TACR1: variants seen among roughly 807,000 people sequenced by gnomAD.
TACR1 encodes tachykinin receptor 1.
TACR1 carries 25 observed loss-of-function variants against 35.8 expected under a neutral mutation model. That is an observed-to-expected ratio of 0.70 (90% CI 0.51 to 0.98). The LOEUF (loss-of-function observed/expected upper bound fraction) is 0.98. TACR1 is among the 50% of genes least tolerant of loss of function. TACR1 has a pLI of 0.00. For synonymous variants in TACR1, 195 were observed against 206.7 expected (o/e 0.94, Z 0.48); for missense variants, 478 against 522.9 (o/e 0.91, Z 0.84).
chr2:75,177,679 C>G (rs540371927), intron 1 of TACR1, among the ~76,000 whole-genome samples: 1 of 152,208 alleles, frequency 6.6e-6, no homozygotes, highest in Non-Finnish European at 1.5e-5. Context: ...CCTACAGTCA[C>G]TCCTCACATA....
chr2:75,143,288 CA>C (rs770594476), intron 1 of TACR1, among the ~76,000 whole-genome samples: 2 of 152,182 alleles, frequency 1.3e-5, no homozygotes, highest in East Asian at 1.9e-4. Context: ...ATTTTCATTT[CA>C]AAACATTTTT....
intron 1 of TACR1, among the ~76,000 whole-genome samples, chr2:75,134,364 C>T (rs951364584): frequency 6.6e-6 from 1 of 152,104 alleles, no homozygotes; most frequent in Non-Finnish European, 1.5e-5. Context: ...CTTATTTAAC[C>T]CCCTTTCTAT....
chr2:75,120,280 G>A (rs933151545), intron 2 of TACR1, among the ~76,000 whole-genome samples: 2 of 152,092 alleles, frequency 1.3e-5, no homozygotes, highest in Non-Finnish European at 2.9e-5. Flanking sequence ...GGCAGATCCC[G>A]GCAGGGTAAT....
Position 75,129,964 on chromosome 2 carries a change from C to T in TACR1, c.390-9196G>A, listed in dbSNP as rs145737347. Among the ~76,000 whole-genome samples, 9 of 152,272 alleles carry T rather than the reference C, an allele frequency of 5.9e-5. No homozygotes were observed. The East Asian group carries it at 1.2e-3, about 20-fold the overall frequency. The stretch of plus-strand genomic sequence containing the variant: ...TCTTCTCCCACAGATCTCTTTTATT[C>T]GAACTAAAAAGCCAGAATCTGTGGG... On this transcript the variant is annotated intron_variant, in intron 1 of 4. Transcript: ENST00000305249.
intron 2 of TACR1, among the ~76,000 whole-genome samples, chr2:75,088,964 G>C (rs1196888938): frequency 1.3e-5 from 2 of 152,044 alleles, no homozygotes; most frequent in African/African-American, 4.8e-5. Context: ...GAGTTTGACA[G>C]TTTCCCACAG....
At chr2:75,192,645 AC>A (rs1363999844) in intron 1 of TACR1, among the ~76,000 whole-genome samples, 1 of 152,180 alleles carries the variant, frequency 6.6e-6, no homozygotes, top group Non-Finnish European at 1.5e-5. Flanking sequence ...TCCAAAAGCC[AC>A]CAAGTGCAGG....
At chr2:75,184,850 TA>T (rs1320405020) in intron 1 of TACR1, among the ~76,000 whole-genome samples, 1 of 151,778 alleles carries the variant, frequency 6.6e-6, no homozygotes, top group Non-Finnish European at 1.5e-5. Context: ...GAAATCATAT[TA>T]AAAGCTCGAC....
At chr2:75,125,375 G>A (rs1224769617) in intron 1 of TACR1, among the ~76,000 whole-genome samples, 2 of 151,886 alleles carry the variant, frequency 1.3e-5, no homozygotes, top group South Asian at 2.1e-4. Flanking sequence ...TAGTAGAGAA[G>A]GGGTTTCACC....
chr2:75,120,489 T>C (rs1673945418), intron 2 of TACR1, 85 bp downstream of exon 2: 2 of 1,281,726 alleles, frequency 1.6e-6, no homozygotes, highest in African/African-American at 1.5e-5. Context: ...AACAAAAGAA[T>C]ATGGAAAGAA....
intron 1 of TACR1, among the ~76,000 whole-genome samples, chr2:75,181,813 C>T (rs1469309861): frequency 6.6e-6 from 1 of 152,206 alleles, no homozygotes. Flanking sequence ...CATGCTTCCT[C>T]CTGCCCAGGG....
At chr2:75,198,386 A>G (rs148701312) in intron 1 of TACR1, among the ~76,000 whole-genome samples, 160 bp downstream of exon 1, 63 of 152,308 alleles carry the variant, frequency 4.1e-4, no homozygotes, top group African/African-American at 1.4e-3. Context: ...AATACATAAG[A>G]TGAAGTTCCC....
intron 1 of TACR1, among the ~76,000 whole-genome samples, chr2:75,143,834 A>G (rs2103952576): frequency 1.3e-5 from 2 of 152,330 alleles, no homozygotes; most frequent in Middle Eastern, 3.4e-3. Flanking sequence ...ATGTGGTGCT[A>G]GTGGCCTGGA....
intron 1 of TACR1, among the ~76,000 whole-genome samples, chr2:75,180,066 C>G (rs1486834699): frequency 6.6e-6 from 1 of 152,150 alleles, no homozygotes; most frequent in Non-Finnish European, 1.5e-5. Flanking sequence ...GTCCCTTCTA[C>G]CTGGAAAGTC....
At chr2:75,160,198 G>A (rs1674970561) in intron 1 of TACR1, among the ~76,000 whole-genome samples, 1 of 151,438 alleles carries the variant, frequency 6.6e-6, no homozygotes, top group Non-Finnish European at 1.5e-5. Context: ...GGAGTTTACA[G>A]GAAAATCTCT....
intron 2 of TACR1, among the ~76,000 whole-genome samples, chr2:75,082,130 C>G (rs568656675): frequency 1.3e-5 from 2 of 152,116 alleles, no homozygotes; most frequent in Admixed American, 1.3e-4. Flanking sequence ...TCCAAGTGTT[C>G]TCATTGTTCA....
intron 1 of TACR1, among the ~76,000 whole-genome samples, chr2:75,136,864 G>A (rs1674303045): frequency 6.6e-6 from 1 of 152,226 alleles, no homozygotes; most frequent in African/African-American, 2.4e-5. Flanking sequence ...AGAGCTCCAG[G>A]AAGATCACAG....
At chr2:75,055,909 CA>C in intron 2 of TACR1, among the ~76,000 whole-genome samples, 1 of 152,328 alleles carries the variant, frequency 6.6e-6, no homozygotes, top group Admixed American at 6.5e-5. Flanking sequence ...GTTTGTGGTT[CA>C]GACTTTGAGA....
chr2:75,167,088 C>T lies in TACR1; in HGVS notation c.389+31458G>A, dbSNP rs80341436. Among the ~76,000 whole-genome samples the T allele has an allele frequency of 6.9e-3, 1,043 of 152,024 alleles. 14 individuals are homozygous for T. Among genetic ancestry groups the T allele is most frequent in the African/African-American group, 0.023 (934 of 41,456 alleles). The stretch of plus-strand genomic sequence containing the variant: ...CCACACTTAGCAACAAAAAGATAAA[C>T]GACAGGAACAATGAAACTAAAATGT... On this transcript the variant is annotated intron_variant, in intron 1 of 4. Coordinates refer to ENST00000305249, the MANE Select transcript of TACR1 (RefSeq NM_001058.4).
At chr2:75,112,130 T>A (rs1258845037) in intron 2 of TACR1, among the ~76,000 whole-genome samples, 1 of 152,008 alleles carries the variant, frequency 6.6e-6, no homozygotes, top group Non-Finnish European at 1.5e-5. Context: ...AAATTTGACA[T>A]GCTATCTTTA....
Sources: allele counts gnomAD v4.1 joint callset (sites outside exome capture counted in the v4.1 genomes callset), GRCh38; gene constraint gnomAD v4.1.1; transcripts MANE v1.5; gene names NCBI Gene and HGNC (gene_info 2026-07-23, HGNC 2026-07-21).